Variants in VPS25 observed in about 807,000 individuals in gnomAD.
VPS25 encodes vacuolar protein-sorting-associated protein 25.
A neutral mutation model predicts 30.3 loss-of-function variants in VPS25; 21 were observed. That is an observed-to-expected ratio of 0.69 (90% CI 0.49 to 1.00). VPS25 has a LOEUF of 1.00. Ranked by LOEUF, VPS25 falls within the 50% of genes least tolerant of loss-of-function variation. VPS25 has a pLI of 0.00. For missense variants in VPS25, 156 were observed against 217.2 expected (o/e 0.72, Z 1.77); for synonymous variants, 101 against 88.1 (o/e 1.15, Z -0.82).
chr17:42,778,836 G>A (rs2054450843), intron 5 of VPS25, 121 bp from the exon 6 acceptor site: 1 of 736,938 alleles, frequency 1.4e-6, no homozygotes, highest in Non-Finnish European at 2.3e-6. Context: ...GGCAGCTGTA[G>A]CAGTATAGAT....
Position 42,776,259 on chromosome 17 carries a change from C to T in VPS25, c.357C>T (p.Gly119=). 6.2e-7 allele frequency: 1 copy of T among 1,613,476 alleles called. No homozygotes were observed. The highest frequency in any genetic ancestry group is 8.5e-7 in the Non-Finnish European group (1 of 1,179,958). Residue 119 remains glycine, a synonymous_variant, in exon 5 of 6, where the codon GGC becomes GGT. Coordinates refer to ENST00000253794, the MANE Select transcript of VPS25 (RefSeq NM_032353.4). ...KLIYQWVSRS[G]QNNSVFTLYE... ...TGTATTCACAGGTTTCCAGGAGTGG[C>T]CAGAACAACTCCGTCTTTACCCTGT...
Position 42,779,541 on chromosome 17 carries a change from G to T in VPS25, c.*472G>T. ...CAATATGAAGATAGGAGGCCCACGG[G>T]CCTGGCAGTGAGAGGTGTGGCCCCA... On this transcript the variant is annotated 3_prime_UTR_variant, in exon 6 of 6. Transcript: ENST00000253794. 1 of 166,956 alleles carries T rather than the reference G, an allele frequency of 6.0e-6. No individual in the cohort carries two copies. Among genetic ancestry groups the T allele is most frequent in the South Asian group, 1.5e-4 (1 of 6,460 alleles). The allele number at this position is 166,956 out of a possible 1,614,324, so 10.3% of individuals were successfully genotyped here. A position where few individuals can be genotyped will look rare whatever the true frequency, so the allele number is the denominator to read the frequency against.
rs779319531 is a variant in VPS25, at chr17:42,776,272, G to A, written c.370G>A (p.Val124Ile). Reference protein sequence around the residue: ...WVSRSGQNNSVFTLYELTNGE... With the variant: ...WVSRSGQNNSIFTLYELTNGE... ...TTCCAGGAGTGGCCAGAACAACTCC[G>A]TCTTTACCCTGTATGAACTGACTAA... The change falls in exon 5 of 6, where the codon GTC becomes ATC. Residue 124 changes from valine (V) to isoleucine (I), a missense_variant. By Grantham distance (29) the Val-to-Ile change is conservative (BLOSUM62 3). Transcript: ENST00000253794. The A allele has an allele frequency of 5.6e-6, 9 of 1,613,510 alleles. No homozygotes were observed. The highest frequency in any genetic ancestry group is 2.7e-5 in the African/African-American group (2 of 74,890).
intron 5 of VPS25, among the ~76,000 whole-genome samples, chr17:42,776,976 T>C (rs1466458272): frequency 1.3e-5 from 2 of 152,194 alleles, no homozygotes; most frequent in African/African-American, 4.8e-5. Context: ...CCTAGCACTT[T>C]GGGAGGCTAA....
chr17:42,774,233 C>T, intron 2 of VPS25: 1 of 270,232 alleles, frequency 3.7e-6, no homozygotes. Flanking sequence ...TCTCTGCCCC[C>T]CTCCTGCCAG....
chr17:42,777,779 A>G (rs915142818), intron 5 of VPS25, among the ~76,000 whole-genome samples: 4 of 152,202 alleles, frequency 2.6e-5, no homozygotes, highest in African/African-American at 7.2e-5. Flanking sequence ...TGATTTTTAC[A>G]TAGCGTAAAC....
Position 42,779,279 on chromosome 17 carries a change from T to C in VPS25, c.*210T>C. 2 of 531,306 alleles carry C rather than the reference T, an allele frequency of 3.8e-6. No individual in the cohort carries two copies. Among genetic ancestry groups the C allele is most frequent in the South Asian group, 4.1e-5 (2 of 49,248 alleles). The allele number at this position is 531,306 out of a possible 1,614,324, so 32.9% of individuals were successfully genotyped here. ...AGGCTGAAGCACCAGGGAGAAAATA[T>C]GTGCTTCTTCTCGCCCTACCTCCTT... On this transcript the variant is annotated 3_prime_UTR_variant, in exon 6 of 6. Transcript: ENST00000253794.
intron 5 of VPS25, among the ~76,000 whole-genome samples, chr17:42,777,469 G>A (rs1011975339): frequency 6.6e-6 from 1 of 152,166 alleles, no homozygotes; most frequent in African/African-American, 2.4e-5. Context: ...AGCCAAGATC[G>A]CACCACTGCA....
intron 5 of VPS25, among the ~76,000 whole-genome samples, chr17:42,777,442 A>C (rs1205574600): frequency 6.6e-6 from 1 of 152,220 alleles, no homozygotes; most frequent in Non-Finnish European, 1.5e-5. Context: ...TTGAACCCGA[A>C]GGCAGAGGTT....
chr17:42,778,985 A>C lies in VPS25; in HGVS notation c.447A>C (p.Leu149=). The C allele has an allele frequency of 6.2e-7, 1 of 1,613,956 alleles. No individual in the cohort carries two copies. The highest frequency in any genetic ancestry group is 2.2e-5 in the East Asian group (1 of 44,888). The change falls in exon 6 of 6, where the codon CTA becomes CTC. Residue 149 remains leucine (L), a synonymous_variant. Coordinates refer to ENST00000253794, the MANE Select transcript of VPS25 (RefSeq NM_032353.4). ...TCCACGGGCTGGATGAAGCCACTCT[A>C]CTGCGGGCTCTGCAGGCCCTACAGC... ...EEFHGLDEAT[L]LRALQALQQE...
At chr17:42,773,907 C>G (rs759959709) in intron 2 of VPS25, 29 bp downstream of exon 2, 6 of 1,599,600 alleles carry the variant, frequency 3.8e-6, no homozygotes, top group Non-Finnish European at 5.1e-6. Flanking sequence ...TTCCACAGCC[C>G]ATACACATGC....
chr17:42,776,116 G>T (rs1025545441), intron 4 of VPS25, 129 bp from the exon 5 acceptor site: 2 of 755,142 alleles, frequency 2.6e-6, no homozygotes, highest in Non-Finnish European at 4.4e-6. Context: ...AGGCCACTCT[G>T]CAGAGGCGAC....
intron 1 of VPS25, 96 bp from the exon 2 acceptor site, chr17:42,773,636 CA>C (rs1240683631): frequency 6.2e-7 from 1 of 1,605,082 alleles, no homozygotes; most frequent in Non-Finnish European, 8.5e-7. Flanking sequence ...ACCCGTCGGC[CA>C]ACACCCTCAG....
chr17:42,775,130 G>A lies in VPS25; in HGVS notation c.254-251G>A, dbSNP rs573310408. On this transcript the variant is annotated intron_variant, in intron 3 of 5. Coordinates refer to ENST00000253794, the MANE Select transcript of VPS25 (RefSeq NM_032353.4). ...CTCAGTCCTATCTCACTGCAGCCTC[G>A]ACTCCCAGGCTCAAGTGATCCTCCC... 63 of 452,370 alleles carry A rather than the reference G, an allele frequency of 1.4e-4. 1 individual carries two copies. Among genetic ancestry groups the A allele is most frequent in the Non-Finnish European group, 2.1e-4 (54 of 252,780 alleles). 28.0% of individuals were successfully genotyped at this position (452,370 alleles called of 1,614,324 possible). A position where few individuals can be genotyped will look rare whatever the true frequency, so the allele number is the denominator to read the frequency against.
chr17:42,775,470 G>A lies in VPS25; in HGVS notation c.342+1G>A, dbSNP rs2143963334. 2 of 1,611,058 alleles carry A rather than the reference G, an allele frequency of 1.2e-6. No homozygotes were observed. Among genetic ancestry groups the A allele is most frequent in the East Asian group, 2.2e-5 (1 of 44,852 alleles). On this transcript the variant is annotated splice_donor_variant, in intron 4 of 5. Transcript: ENST00000253794. LOFTEE classifies it high-confidence loss of function. ...ATGGGGGAAACTCATCTATCAGTGG[G>A]TGAGATCATTATTCTGCCAAGTATT... is the stretch of plus-strand genomic sequence containing the variant.
intron 2 of VPS25, 85 bp downstream of exon 2, chr17:42,773,963 C>T (rs755890469): frequency 2.7e-6 from 4 of 1,488,818 alleles, no homozygotes; most frequent in South Asian, 1.3e-5. Context: ...CGCGCCAGCC[C>T]CCTTTTACCC....
chr17:42,779,548 A>T lies in VPS25; in HGVS notation c.*479A>T, dbSNP rs980104985. ...AAGATAGGAGGCCCACGGGCCTGGC[A>T]GTGAGAGGTGTGGCCCCACACCGAT... On this transcript the variant is annotated 3_prime_UTR_variant, in exon 6 of 6. Transcript: ENST00000253794. The T allele has an allele frequency of 6.0e-6, 1 of 167,036 alleles. No homozygotes were observed. Among genetic ancestry groups the T allele is most frequent in the Non-Finnish European group, 1.3e-5 (1 of 75,228 alleles). The allele number at this position is 167,036 out of a possible 1,614,324, so 10.3% of individuals were successfully genotyped here. A position where few individuals can be genotyped will look rare whatever the true frequency, so the allele number is the denominator to read the frequency against.
chr17:42,778,889 C>G, intron 5 of VPS25, 68 bp from the exon 6 acceptor site: 1 of 1,484,374 alleles, frequency 6.7e-7, no homozygotes. Flanking sequence ...GGCTTCCAGC[C>G]AGAGCACTCT....
At chr17:42,775,516 G>A in intron 4 of VPS25, 47 bp downstream of exon 4, 2 of 1,512,544 alleles carry the variant, frequency 1.3e-6, no homozygotes, top group Admixed American at 1.7e-5. Flanking sequence ...CCATGGAAAA[G>A]GTTAACTATA....
Sources: gnomAD v4.1 joint callset for allele counts (sites outside exome capture counted in the v4.1 genomes callset) on GRCh38, gnomAD v4.1.1 for gene constraint, MANE v1.5 for transcripts, NCBI Gene and HGNC (gene_info 2026-07-23, HGNC 2026-07-21) for gene names.